PLEKHG1: variants seen among roughly 807,000 people sequenced by gnomAD.
PLEKHG1 encodes the protein pleckstrin homology and RhoGEF domain containing G1.
A neutral mutation model predicts 100.8 loss-of-function variants in PLEKHG1; 44 were observed. The ratio of observed to expected loss-of-function variants is 0.44; its 90% CI spans 0.34 to 0.56. The LOEUF is 0.56. PLEKHG1 is among the 20% of genes least tolerant of loss of function. PLEKHG1 has a pLI of 0.01. For missense variants in PLEKHG1, 1,545 were observed against 1,720.9 expected (o/e 0.90, Z 1.81); for synonymous variants, 640 against 662.5 (o/e 0.97, Z 0.52).
At chr6:150,786,280 A>G (rs1359999485) in intron 3 of PLEKHG1, 110 bp from the exon 5 acceptor site, 5 of 734,138 alleles carry the variant, frequency 6.8e-6, no homozygotes, top group Non-Finnish European at 1.2e-5. Flanking sequence ...TTATCCAATT[A>G]TATGATTCCT....
intron 3 of PLEKHG1, among the ~76,000 whole-genome samples, chr6:150,688,215 G>C (rs1390884543): frequency 1.3e-5 from 2 of 152,170 alleles, no homozygotes; most frequent in African/African-American, 2.4e-5. Flanking sequence ...CAGAGCTCAG[G>C]GAAGTTGATT....
At chr6:150,648,814 T>C (rs73004386) in intron 2 of PLEKHG1, among the ~76,000 whole-genome samples, 1,626 of 152,314 alleles carry the variant, frequency 0.011, 14 homozygotes, top group Middle Eastern at 0.037. Flanking sequence ...GTGTTGATAA[T>C]TAAATATCAC....
chr6:150,835,777 T>C lies in PLEKHG1; in HGVS notation c.3094+3572T>C, dbSNP rs150771895. ...TAGATGTCACACAAGCTATAGACTCTCTTAGAAGGTCAAGCTGAAACAAAA... is the reference window on the plus strand; with the variant it reads ...TAGATGTCACACAAGCTATAGACTCCCTTAGAAGGTCAAGCTGAAACAAAA... On this transcript the variant is annotated intron_variant, in intron 15 of 15. Transcript: ENST00000358517. Among the ~76,000 whole-genome samples, 46 of 152,268 alleles carry C rather than the reference T, an allele frequency of 3.0e-4. No individual in the cohort carries two copies. The East Asian group carries it at 8.3e-3, about 27-fold the overall frequency.
chr6:150,656,491 G>T (rs1778976009), intron 3 of PLEKHG1, among the ~76,000 whole-genome samples: 1 of 152,068 alleles, frequency 6.6e-6, no homozygotes, highest in African/African-American at 2.4e-5. Context: ...AAGGTTAATT[G>T]GTTTCTGTTG....
rs1285546202 is a variant in PLEKHG1 at position 150,779,305 on chromosome 6, A to G, written c.513-7085A>G. 1.3e-4 allele frequency among the ~76,000 whole-genome samples: 20 copies of G among 151,200 alleles called. 1 individual carries two copies. Among genetic ancestry groups the G allele is most frequent in the Admixed American group, 1.3e-3 (20 of 15,172 alleles). On this transcript the variant is annotated intron_variant, in intron 3 of 15. Transcript: ENST00000358517. Reference sequence around the variant, plus strand: ...ACTAAAGCTTGGAGGCAATCCGAACATACAATTTAAAACACAGGGGGTTAA... The same window carrying G: ...ACTAAAGCTTGGAGGCAATCCGAACGTACAATTTAAAACACAGGGGGTTAA...
At chr6:150,678,308 C>T (rs1779831273) in intron 3 of PLEKHG1, among the ~76,000 whole-genome samples, 1 of 151,890 alleles carries the variant, frequency 6.6e-6, no homozygotes. Context: ...GCCCCTCCAC[C>T]ATAGCTGAGT....
At chr6:150,656,905 T>G in intron 3 of PLEKHG1, among the ~76,000 whole-genome samples, 1 of 152,152 alleles carries the variant, frequency 6.6e-6, no homozygotes. Flanking sequence ...GCTGGGTAAC[T>G]TGTAATGGCA....
chr6:150,706,476 T>C (rs113653312), intron 3 of PLEKHG1, among the ~76,000 whole-genome samples: 93 of 133,046 alleles, frequency 7.0e-4, no homozygotes, highest in African/African-American at 2.2e-3. Context: ...TAGCCAGGCA[T>C]GGTGGTGCAC....
chr6:150,641,648 T>C (rs1262551060), intron 2 of PLEKHG1, among the ~76,000 whole-genome samples: 1 of 152,136 alleles, frequency 6.6e-6, no homozygotes, highest in Non-Finnish European at 1.5e-5. Flanking sequence ...GCTGTGGTGC[T>C]GTGGAACGTG....
intron 6 of PLEKHG1, among the ~76,000 whole-genome samples, chr6:150,801,751 T>C (rs990586723): frequency 2.6e-5 from 4 of 152,136 alleles, no homozygotes; most frequent in African/African-American, 9.7e-5. Context: ...CAAATTCTTA[T>C]TTCTTACCCT....
chr6:150,739,659 C>G (rs1344570040), intron 2 of PLEKHG1, among the ~76,000 whole-genome samples: 1 of 149,952 alleles, frequency 6.7e-6, no homozygotes. Flanking sequence ...CAGAGTGAGA[C>G]TCTGTCAAAA....
intron 3 of PLEKHG1, chr6:150,651,807 G>C (rs965377389): frequency 6.6e-6 from 1 of 152,036 alleles, no homozygotes; most frequent in Non-Finnish European, 1.5e-5. Flanking sequence ...TGCAGTGAGC[G>C]GAGATTGTAC....
chr6:150,684,097 T>G (rs1342897656), intron 3 of PLEKHG1, among the ~76,000 whole-genome samples: 1 of 152,234 alleles, frequency 6.6e-6, no homozygotes, highest in East Asian at 1.9e-4. Context: ...CTGTGGTCCA[T>G]GACTTCAAGA....
At chr6:150,833,042 A>C (rs1412538383) in intron 15 of PLEKHG1, among the ~76,000 whole-genome samples, 1 of 96,162 alleles carries the variant, frequency 1.0e-5, no homozygotes, top group African/African-American at 3.2e-5. Flanking sequence ...ATTACTACTC[A>C]ATTTTTTTTT....
intron 3 of PLEKHG1, among the ~76,000 whole-genome samples, chr6:150,780,527 A>G (rs1288315729): frequency 3.3e-5 from 5 of 152,176 alleles, no homozygotes; most frequent in Non-Finnish European, 7.3e-5. Context: ...AATACTGGAC[A>G]GTGGCTCTCA....
chr6:150,674,628 C>CTCT lies in PLEKHG1; in HGVS notation c.-99+23842_-99+23843insTCT, dbSNP rs1554258825. On this transcript the variant is annotated intron_variant, in intron 3 of 3. Transcript: ENST00000367326. ...ATTACACCTGTAACTTTCTCTCTCT[C>CTCT]CTCCCTCTCTCTCTCTCTCTCTCTC... Among the ~76,000 whole-genome samples the CTCT allele has an allele frequency of 5.8e-3, 302 of 51,700 alleles. 31 individuals carry two copies. Among genetic ancestry groups the CTCT allele is most frequent in the Admixed American group, 0.019 (88 of 4,678 alleles). The allele number at this position is 51,700 out of a possible 152,430, so 33.9% of individuals were successfully genotyped here.
At chr6:150,807,925 T>A (rs748835711) in intron 7 of PLEKHG1, among the ~76,000 whole-genome samples, 13 of 152,044 alleles carry the variant, frequency 8.6e-5, no homozygotes, top group Admixed American at 3.3e-4. Flanking sequence ...GCCGAGATTG[T>A]GCCACTGCAC....
chr6:150,810,945 T>C (rs1297147453), intron 10 of PLEKHG1, among the ~76,000 whole-genome samples: 3 of 151,612 alleles, frequency 2.0e-5, no homozygotes, highest in Non-Finnish European at 4.4e-5. Context: ...AAGATTCACA[T>C]GAATTGCAGG....
chr6:150,831,763 G>A lies in PLEKHG1; in HGVS notation c.2652G>A (p.Val884=). The change falls in exon 15 of 16, where the codon GTG becomes GTA. Residue 884 remains valine (V), a synonymous_variant. Transcript: ENST00000358517. This position sits in a 1 kb window ranked among gnomAD's most constrained non-coding sequence, Gnocchi z 4.1. ...GCACCCCTGAGCTGAGCCGGGACGT[G>A]GGGCGCTCTGTGTCCACGCTGTCCC... 6.2e-7 allele frequency: 1 copy of A among 1,613,704 alleles called. No homozygotes were observed. Among genetic ancestry groups the A allele is most frequent in the African/African-American group, 1.3e-5 (1 of 75,064 alleles).
Sources: allele counts gnomAD v4.1 joint callset (sites outside exome capture counted in the v4.1 genomes callset), GRCh38; gene constraint gnomAD v4.1.1; non-coding constraint Gnocchi (gnomAD v3.1); transcripts MANE v1.5; gene names NCBI Gene and HGNC (gene_info 2026-07-23, HGNC 2026-07-21).